Variants in EFHC2 observed in about 807,000 individuals in gnomAD.
EFHC2 encodes EF-hand domain-containing family member C2.
EFHC2 carries 18 observed loss-of-function variants against 52.7 expected under a neutral mutation model. The ratio of observed to expected loss-of-function variants is 0.34; its 90% CI spans 0.24 to 0.51. The LOEUF (loss-of-function observed/expected upper bound fraction) is 0.51, where lower values mean the gene tolerates loss of function less well. EFHC2 is among the 20% of genes least tolerant of loss of function. The pLI, the probability that EFHC2 is intolerant of heterozygous loss-of-function variation, is 0.97. For synonymous variants in EFHC2, 203 were observed against 204.1 expected (o/e 0.99, Z 0.04); for missense variants, 513 against 562.5 (o/e 0.91, Z 0.89).
rs193132036 is a variant in EFHC2, at chrX:44,194,218, T to A, written c.1752-15654A>T. 2.9e-5 allele frequency among the ~76,000 whole-genome samples: 3 copies of A among 102,481 alleles called. No homozygotes were observed. In the East Asian group the frequency reaches 9.3e-4, roughly 32 times the overall value. 89.0% of individuals were successfully genotyped at this position (102,481 alleles called of 115,157 possible). A position where few individuals can be genotyped will look rare whatever the true frequency, so the allele number is the denominator to read the frequency against. On this transcript the variant is annotated intron_variant, in intron 11 of 14. Coordinates refer to ENST00000420999, the MANE Select transcript of EFHC2 (RefSeq NM_025184.4). ...CTTCCCAGAATATGAAGTAGGAGAA[T>A]TTCTTACATTTTATTGTTGTGGCTT...
At chrX:44,300,393 A>G (rs778461323) in intron 2 of EFHC2, among the ~76,000 whole-genome samples, 3 of 111,424 alleles carry the variant, frequency 2.7e-5, no homozygotes, top group South Asian at 7.6e-4. Flanking sequence ...CAGCACCTTG[A>G]CCTTGGACTT....
chrX:44,243,531 A>C (rs2037376383), intron 7 of EFHC2, among the ~76,000 whole-genome samples: 1 of 111,826 alleles, frequency 8.9e-6, no homozygotes, highest in Non-Finnish European at 1.9e-5. Context: ...TTTGTTTTTT[A>C]ACTGATGATC....
intron 13 of EFHC2, among the ~76,000 whole-genome samples, chrX:44,164,379 T>C (rs1269309088): frequency 8.9e-6 from 1 of 112,484 alleles, no homozygotes; most frequent in Non-Finnish European, 1.9e-5. Context: ...AGTTTAATGG[T>C]TGATATTACA....
At chrX:44,303,411 G>A (rs1171843146) in intron 2 of EFHC2, among the ~76,000 whole-genome samples, 1 of 110,879 alleles carries the variant, frequency 9.0e-6, no homozygotes, top group East Asian at 2.8e-4. Context: ...CTCTCCCTCT[G>A]AGATTTATTA....
At chrX:44,173,746 C>T (rs984660773) in intron 13 of EFHC2, among the ~76,000 whole-genome samples, 2 of 111,697 alleles carry the variant, frequency 1.8e-5, no homozygotes, top group Non-Finnish European at 3.8e-5. Flanking sequence ...GAGATGACTT[C>T]GAAGCAAGTT....
intron 6 of EFHC2, 54 bp downstream of exon 6, chrX:44,248,749 C>A: frequency 1.0e-6 from 1 of 1,002,583 alleles, no homozygotes; most frequent in Non-Finnish European, 1.4e-6. Context: ...CCCCACTGTT[C>A]AGGTTCCAAA....
intron 11 of EFHC2, 133 bp from the exon 12 acceptor site, chrX:44,178,697 T>G (rs768846879): frequency 2.1e-6 from 1 of 479,666 alleles, no homozygotes; most frequent in East Asian, 4.4e-5. Context: ...TGTGATTTTT[T>G]TAACTTAATT....
At chrX:44,281,952 C>T (rs190239548) in intron 2 of EFHC2, among the ~76,000 whole-genome samples, 14 of 111,254 alleles carry the variant, frequency 1.3e-4, no homozygotes, top group Admixed American at 1.1e-3. Flanking sequence ...ATGGACCACT[C>T]ATTACGGATG....
chrX:44,203,893 C>A (rs2037025929), intron 11 of EFHC2, among the ~76,000 whole-genome samples: 1 of 110,965 alleles, frequency 9.0e-6, no homozygotes, highest in Non-Finnish European at 1.9e-5. Flanking sequence ...CCTGGTCCCC[C>A]AAGACTTTAG....
intron 2 of EFHC2, among the ~76,000 whole-genome samples, chrX:44,292,260 C>T (rs761434458): frequency 1.8e-5 from 2 of 110,695 alleles, no homozygotes; most frequent in African/African-American, 6.6e-5. Flanking sequence ...AGGTTCGGTA[C>T]CCCATATCCG....
At chrX:44,334,499 A>C (rs1382819929) in intron 1 of EFHC2, among the ~76,000 whole-genome samples, 1 of 112,267 alleles carries the variant, frequency 8.9e-6, no homozygotes, top group African/African-American at 3.2e-5. Context: ...TTTTGAAATG[A>C]AGTTGCACTC....
At chrX:44,251,757 A>T (rs1433807328) in intron 4 of EFHC2, among the ~76,000 whole-genome samples, 1 of 108,975 alleles carries the variant, frequency 9.2e-6, no homozygotes, top group East Asian at 2.9e-4. Context: ...GGTGACAGAA[A>T]TCAGAACAGT....
At chrX:44,176,509 T>C (rs1245241810) in intron 12 of EFHC2, 125 bp from the exon 13 acceptor site, 1 of 491,043 alleles carries the variant, frequency 2.0e-6, no homozygotes, top group Non-Finnish European at 3.2e-6. Flanking sequence ...AGTATGAAAA[T>C]TGGTATTGGA....
intron 2 of EFHC2, among the ~76,000 whole-genome samples, chrX:44,301,553 A>G (rs768428672): frequency 2.6e-4 from 29 of 112,066 alleles, no homozygotes; most frequent in Middle Eastern, 4.6e-3. Flanking sequence ...TTAAGCTGTA[A>G]TTTATATACC....
At chrX:44,252,971 C>G (rs1236996288) in intron 4 of EFHC2, among the ~76,000 whole-genome samples, 2 of 110,984 alleles carry the variant, frequency 1.8e-5, no homozygotes, top group African/African-American at 6.6e-5. Flanking sequence ...GTAGGTGCAG[C>G]CCACGGAGGG....
At chrX:44,180,937 A>T (rs1302551515) in intron 11 of EFHC2, among the ~76,000 whole-genome samples, 7 of 104,465 alleles carry the variant, frequency 6.7e-5, no homozygotes, top group Non-Finnish European at 1.4e-4. Context: ...TACCAAAAAA[A>T]AAAAAAAATA....
intron 5 of EFHC2, among the ~76,000 whole-genome samples, chrX:44,249,298 A>T (rs1261856399): frequency 9.0e-6 from 1 of 111,416 alleles, no homozygotes; most frequent in African/African-American, 3.3e-5. Flanking sequence ...TTGCCTCGGA[A>T]ATTAGCATTA....
At chrX:44,165,526 T>C (rs1386418904) in intron 13 of EFHC2, among the ~76,000 whole-genome samples, 4 of 112,249 alleles carry the variant, frequency 3.6e-5, no homozygotes, top group African/African-American at 9.7e-5. Flanking sequence ...TATTTGTGTA[T>C]GTTTTGGGGG....
intron 14 of EFHC2, among the ~76,000 whole-genome samples, chrX:44,154,432 G>T (rs779805991): frequency 1.8e-4 from 20 of 111,228 alleles, no homozygotes; most frequent in South Asian, 1.1e-3. Flanking sequence ...TCAGGTGTGG[G>T]GACTCACACC....
Sources: gnomAD v4.1 joint callset for allele counts (sites outside exome capture counted in the v4.1 genomes callset) on GRCh38, gnomAD v4.1.1 for gene constraint, MANE v1.5 for transcripts, NCBI Gene and HGNC (gene_info 2026-07-23, HGNC 2026-07-21) for gene names.